The following CATSPER2 variants were observed in gnomAD, a reference collection of about 807,000 sequenced individuals.
CATSPER2 encodes the protein cation channel sperm associated 2.
Under a neutral mutation model 68.8 loss-of-function variants are expected in CATSPER2, and 56 were observed. The ratio of observed to expected loss-of-function variants is 0.81; its 90% confidence interval spans 0.66 to 1.02. The LOEUF (loss-of-function observed/expected upper bound fraction) is 1.02. CATSPER2 is among the 50% of genes least tolerant of loss of function. The pLI is 0.00. For missense variants in CATSPER2, 582 were observed against 642.0 expected, an observed-to-expected ratio of 0.91 and a Z score of 1.01; for synonymous variants, 198 against 229.9, an observed-to-expected ratio of 0.86 and a Z score of 1.26.
chr15:43,638,355 A>G (rs1350643562), intron 7 of CATSPER2, among the ~76,000 whole-genome samples: 1 of 112,648 alleles, frequency 8.9e-6, no homozygotes, highest in African/African-American at 3.6e-5. Flanking sequence ...GTGGCACTAT[A>G]TCGGCTCACT....
intron 7 of CATSPER2, 84 bp from the exon 8 acceptor site, chr15:43,636,303 A>G (rs2085963012): frequency 6.5e-7 from 1 of 1,540,660 alleles, no homozygotes; most frequent in African/African-American, 1.4e-5. Context: ...AAAGAAACAT[A>G]AAGCATTTCT....
rs1237091133 is a variant in CATSPER2 at position 43,629,024 on chromosome 15, T to C, written c.*1677A>G. ...ACCCAAAGCTCAAAAATTTTGTTCA[T>C]TGACTGAGAAAGGAGTCACCGGCTC... On this transcript the variant is annotated 3_prime_UTR_variant, in exon 13 of 13. Coordinates refer to ENST00000396879, the MANE Select transcript of CATSPER2 (RefSeq NM_172095.4). 2 of 150,170 alleles carry C rather than the reference T, an allele frequency of 1.3e-5. No individual in the cohort carries two copies. Among genetic ancestry groups the C allele is most frequent in the African/African-American group, 2.5e-5 (1 of 39,976 alleles). The allele number at this position is 150,170 out of a possible 1,614,324, so 9.3% of individuals were successfully genotyped here. A position where few individuals can be genotyped will look rare whatever the true frequency, so the allele number is the denominator to read the frequency against.
At position 43,632,548 on chromosome 15, in the gene CATSPER2, C is replaced by T. The variant is rs983475753; in HGVS notation, c.1396+169G>A. The T allele has an allele frequency of 4.8e-6, 7 of 1,465,344 alleles. No individual in the cohort carries two copies. In the African/African-American group the frequency reaches 8.5e-5, roughly 18 times the overall value. The allele number at this position is 1,465,344 out of a possible 1,614,324, so 90.8% of individuals were successfully genotyped here. A position where few individuals can be genotyped will look rare whatever the true frequency, so the allele number is the denominator to read the frequency against. ...CAAAGAGGGCCACAGCCACACTTAC[C>T]CGAAGTGAAGAAGAAGTACAGGGGA... On this transcript the variant is annotated intron_variant, in intron 11 of 12. Coordinates refer to ENST00000396879, the MANE Select transcript of CATSPER2 (RefSeq NM_172095.4).
At chr15:43,631,337 T>A (rs1482733504) in intron 12 of CATSPER2, 1 of 184,574 alleles carries the variant, frequency 5.4e-6, no homozygotes, top group Non-Finnish European at 1.2e-5. Flanking sequence ...TTCAAGCAAT[T>A]CTCATGCCTC....
chr15:43,640,360 A>G lies in CATSPER2; in HGVS notation c.525T>C (p.Ser175=). 1.2e-6 allele frequency: 2 copies of G among 1,612,062 alleles called. No homozygotes were observed. The highest frequency in any genetic ancestry group is 1.7e-6 in the Non-Finnish European group (2 of 1,178,672). ...WLSNFSVFWK[S]AWNVFDFVVT... is the part of the protein sequence containing the mutation. ...CAACAAAGTCAAAGACATTCCAGGC[A>G]CTCTTCCAGAAAACAGAAAAGTTGG... Residue 175 remains serine (S), a synonymous_variant, in exon 5 of 13, where the codon AGT becomes AGC. Coordinates refer to ENST00000396879, the MANE Select transcript of CATSPER2 (RefSeq NM_172095.4).
rs1354288133 is a variant in CATSPER2, at chr15:43,638,286, C to CTTTCTTTTTTTTTTTTTTTTT, written c.842+617_842+618insAAAAAAAAAAAAAAAAAGAAA. ...ATTTTTCTTTTCTTTTTCTTTCTTT[C>CTTTCTTTTTTTTTTTTTTTTT]TTTTTTTTTTTTTTTTTTTTTGAGA... On this transcript the variant is annotated intron_variant, in intron 7 of 12. Coordinates refer to ENST00000396879, the MANE Select transcript of CATSPER2 (RefSeq NM_172095.4). Among the ~76,000 whole-genome samples the CTTTCTTTTTTTTTTTTTTTTT allele has an allele frequency of 3.9e-4, 32 of 81,836 alleles. 1 individual carries two copies. The highest frequency in any genetic ancestry group is 1.9e-3 in the African/African-American group (25 of 13,274). 53.7% of individuals were successfully genotyped at this position (81,836 alleles called of 152,430 possible).
chr15:43,636,579 T>C (rs1270769575), intron 7 of CATSPER2, among the ~76,000 whole-genome samples: 3 of 150,278 alleles, frequency 2.0e-5, no homozygotes, highest in Non-Finnish European at 3.0e-5. Flanking sequence ...TTAGTAGAGA[T>C]GGGGTTTTGT....
Position 43,635,716 on chromosome 15 carries a change from G to A in CATSPER2, c.1121+11C>T. ...AGAAGGAAAGTTGGGGTTGAAAAGG[G>A]AGAAGCAGACCTCTGGATGATCTGC... is the stretch of plus-strand genomic sequence containing the variant. On this transcript the variant is annotated intron_variant, in intron 9 of 12. Coordinates refer to ENST00000396879, the MANE Select transcript of CATSPER2 (RefSeq NM_172095.4). 1 of 1,610,296 alleles carries A rather than the reference G, an allele frequency of 6.2e-7. No homozygotes were observed. Among genetic ancestry groups the A allele is most frequent in the African/African-American group, 1.3e-5 (1 of 74,914 alleles).
chr15:43,644,650 G>A (rs954232347), intron 4 of CATSPER2, among the ~76,000 whole-genome samples: 27 of 151,948 alleles, frequency 1.8e-4, no homozygotes, highest in Admixed American at 5.2e-4. Flanking sequence ...ACAGGAGGGC[G>A]AGCCCTATTG....
In CATSPER2 at chr15:43,647,346, C is replaced by T. The variant is rs141594294; in HGVS notation, c.267G>A (p.Val89=). The change falls in exon 3 of 13, where the codon GTG becomes GTA. Residue 89 remains valine (V), a synonymous_variant. Transcript: ENST00000396879. ...HAQRLLSRLH[V]RCSQRPPLSL... ...AAAGAGGTGGCCTCTGACTGCAGCG[C>T]ACATGAAGCCTGCTCAACAGCCTCT... is the stretch of plus-strand genomic sequence containing the variant. The T allele has an allele frequency of 6.2e-7, 1 of 1,612,696 alleles. No individual in the cohort carries two copies. Among genetic ancestry groups the T allele is most frequent in the Non-Finnish European group, 8.5e-7 (1 of 1,178,904 alleles).
intron 4 of CATSPER2, 100 bp from the exon 5 acceptor site, chr15:43,640,596 T>A: frequency 6.7e-7 from 1 of 1,492,534 alleles, no homozygotes; most frequent in South Asian, 1.2e-5. Flanking sequence ...CCCACTACTG[T>A]TCCATTTTTC....
chr15:43,638,291 T>TTC (rs2086004050), intron 7 of CATSPER2, among the ~76,000 whole-genome samples: 2 of 127,916 alleles, frequency 1.6e-5, no homozygotes, highest in South Asian at 2.6e-4. Context: ...TCTTTCTTTT[T>TTC]TTTTTTTTTT....
At chr15:43,647,545 G>C (rs2086193324) in intron 2 of CATSPER2, 78 bp from the exon 3 acceptor site, 5 of 1,350,574 alleles carry the variant, frequency 3.7e-6, no homozygotes, top group South Asian at 3.5e-5. Context: ...AGGGATACTG[G>C]TCAGGTAATG....
intron 6 of CATSPER2, chr15:43,639,405 C>T (rs529419420): frequency 7.5e-5 from 38 of 503,534 alleles, no homozygotes; most frequent in African/African-American, 5.7e-4. Flanking sequence ...CCACCAAGCC[C>T]GGCAATTTTT....
At chr15:43,635,320 T>A in intron 10 of CATSPER2, 40 bp downstream of exon 10, 9 of 1,538,656 alleles carry the variant, frequency 5.8e-6, no homozygotes, top group Non-Finnish European at 8.1e-6. Context: ...CCTCTCCTCC[T>A]TCATGTGTTT....
At position 43,637,151 on chromosome 15, in the gene CATSPER2, C is replaced by G. The variant is rs1055027116; in HGVS notation, c.843-932G>C. ...TTTTCTAATTTTATTCTCTACTGCT[C>G]TATGGACTCCACTTAATAGAAGATC... On this transcript the variant is annotated intron_variant, in intron 7 of 12. Transcript: ENST00000396879. Among the ~76,000 whole-genome samples the G allele has an allele frequency of 2.5e-4, 38 of 151,844 alleles. 2 individuals are homozygous for G. The highest frequency in any genetic ancestry group is 4.0e-4 in the Non-Finnish European group (27 of 67,972).
intron 4 of CATSPER2, 37 bp downstream of exon 4, chr15:43,647,013 G>T: frequency 6.4e-7 from 1 of 1,562,856 alleles, no homozygotes; most frequent in Non-Finnish European, 8.8e-7. Context: ...CGGCGTGCCC[G>T]GCCTCACTTC....
chr15:43,633,720 G>C (rs1033324118), intron 10 of CATSPER2: 1 of 151,660 alleles, frequency 6.6e-6, no homozygotes. Flanking sequence ...GAGGCGGGTG[G>C]AGTGCCTGAG....
intron 4 of CATSPER2, among the ~76,000 whole-genome samples, chr15:43,643,521 G>C (rs1438433175): frequency 5.3e-5 from 8 of 151,840 alleles, no homozygotes; most frequent in Non-Finnish European, 1.0e-4. Flanking sequence ...ATTTTCAGTA[G>C]AGACGGGGTT....
Sources: allele counts gnomAD v4.1 joint callset (sites outside exome capture counted in the v4.1 genomes callset), GRCh38; gene constraint gnomAD v4.1.1; transcripts MANE v1.5; gene names NCBI Gene and HGNC (gene_info 2026-07-23, HGNC 2026-07-21).